BCO2: variants seen among roughly 807,000 people sequenced by gnomAD.
BCO2 encodes the protein carotenoid-cleaving dioxygenase, mitochondrial.
In BCO2, 56 loss-of-function variants were observed where a neutral mutation model predicts 65.8. The ratio of observed to expected loss-of-function variants is 0.85; its 90% confidence interval spans 0.69 to 1.06. The LOEUF (loss-of-function observed/expected upper bound fraction) is 1.06, where lower values mean the gene tolerates loss of function less well. Among genes scored for constraint, BCO2 ranks in the 50% least tolerant of loss-of-function variants. BCO2 has a pLI of 0.00. For missense variants in BCO2, 675 were observed against 698.5 expected, an observed-to-expected ratio of 0.97 and a Z score of 0.38; for synonymous variants, 233 against 242.3, an observed-to-expected ratio of 0.96 and a Z score of 0.36.
chr11:112,184,159 CA>C (rs1649663883), intron 2 of BCO2, among the ~76,000 whole-genome samples: 1 of 151,988 alleles, frequency 6.6e-6, no homozygotes, highest in African/African-American at 2.4e-5. Flanking sequence ...AGAGCTACTG[CA>C]ATCAAAGCTT....
intron 5 of BCO2, among the ~76,000 whole-genome samples, chr11:112,199,023 T>C (rs749710715): frequency 1.3e-5 from 2 of 152,112 alleles, no homozygotes; most frequent in Non-Finnish European, 2.9e-5. Context: ...GTTTGTTACA[T>C]AGGTATACAC....
At chr11:112,176,028 ATTGT>A (rs555914543) in intron 1 of BCO2, 55 of 200,128 alleles carry the variant, frequency 2.7e-4, no homozygotes, top group African/African-American at 1.0e-3. Context: ...TTCTAATGTA[ATTGT>A]TTGGTTTCTC....
chr11:112,199,949 T>C (rs1439697097), intron 6 of BCO2, 122 bp downstream of exon 6: 3 of 1,244,830 alleles, frequency 2.4e-6, no homozygotes, highest in Non-Finnish European at 3.3e-6. Flanking sequence ...GAGACCAAGG[T>C]TGCATTTTGA....
chr11:112,213,973 G>T (rs1383368779), intron 9 of BCO2, 112 bp downstream of exon 9: 1 of 928,976 alleles, frequency 1.1e-6, no homozygotes. Flanking sequence ...ACATTCATCC[G>T]AGCAGGTTAA....
At chr11:112,176,035 G>T in intron 1 of BCO2, 1 of 193,358 alleles carries the variant, frequency 5.2e-6, no homozygotes, top group Non-Finnish European at 1.1e-5. Context: ...GTAATTGTTT[G>T]GTTTCTCTAT....
intron 5 of BCO2, among the ~76,000 whole-genome samples, chr11:112,195,735 C>T (rs531129935): frequency 9.0e-4 from 137 of 152,250 alleles, no homozygotes; most frequent in Non-Finnish European, 1.0e-3. Flanking sequence ...CGAGCCACTG[C>T]GCCTGGTCTG....
Position 112,200,727 on chromosome 11 carries a change from C to T in BCO2, c.980C>T (p.Pro327Leu), listed in dbSNP as rs79220685. 1.2e-6 allele frequency: 2 copies of T among 1,613,876 alleles called. No homozygotes were observed. The highest frequency in any genetic ancestry group is 1.3e-5 in the African/African-American group (1 of 74,996). ...KAFSDGISWE[P>L]QCNTRFHVVE... ...TTTTCAGATGGGATAAGCTGGGAACCCCAGTGTAATACGCGGTTTCATGTG... is the reference window on the plus strand; with the variant it reads ...TTTTCAGATGGGATAAGCTGGGAACTCCAGTGTAATACGCGGTTTCATGTG... The change falls in exon 7 of 12, where the codon CCC becomes CTC. Residue 327 changes from proline (P) to leucine (L), a missense_variant. Physicochemically the swap from Pro to Leu is moderately conservative, Grantham distance 98 (BLOSUM62 -3). Coordinates refer to ENST00000357685, the MANE Select transcript of BCO2 (RefSeq NM_031938.7).
chr11:112,191,029 C>A (rs1319680647), intron 2 of BCO2, among the ~76,000 whole-genome samples: 1 of 150,538 alleles, frequency 6.6e-6, no homozygotes, highest in Non-Finnish European at 1.5e-5. Context: ...GTGCTACAAG[C>A]AGTAATACTA....
chr11:112,215,503 A>T (rs542960342), intron 10 of BCO2: 1 of 155,990 alleles, frequency 6.4e-6, no homozygotes. Context: ...AAGGTCAGGA[A>T]ATCAAGACCA....
intron 7 of BCO2, 39 bp downstream of exon 7, chr11:112,200,812 G>C (rs769109425): frequency 6.3e-7 from 1 of 1,592,088 alleles, no homozygotes; most frequent in South Asian, 1.2e-5. Flanking sequence ...AAAATTGTTG[G>C]AAACAAAGGC....
chr11:112,218,457 G>A lies in BCO2; in HGVS notation c.*583G>A. 1 of 242,428 alleles carries A rather than the reference G, an allele frequency of 4.1e-6. No homozygotes were observed. The highest frequency in any genetic ancestry group is 8.7e-6 in the Non-Finnish European group (1 of 115,066). The allele number at this position is 242,428 out of a possible 1,614,324, so 15.0% of individuals were successfully genotyped here. A position where few individuals can be genotyped will look rare whatever the true frequency, so the allele number is the denominator to read the frequency against. Reference sequence around the variant, plus strand: ...GTGAAGCTGCCAAAGCGTTAGACAAGCACCAAGCCCACTTTTGTCTGCCTG... The same window carrying A: ...GTGAAGCTGCCAAAGCGTTAGACAAACACCAAGCCCACTTTTGTCTGCCTG... On this transcript the variant is annotated 3_prime_UTR_variant, in exon 12 of 12. Transcript: ENST00000357685.
At chr11:112,188,919 A>G (rs1003578356) in intron 2 of BCO2, among the ~76,000 whole-genome samples, 3 of 152,194 alleles carry the variant, frequency 2.0e-5, no homozygotes, top group Non-Finnish European at 2.9e-5. Flanking sequence ...GGATCTCTTG[A>G]GACACAATCT....
At position 112,214,728 on chromosome 11, in the gene BCO2, C is replaced by G. The variant is rs775720841; in HGVS notation, c.1333-34C>G. 53 of 1,573,386 alleles carry G rather than the reference C, an allele frequency of 3.4e-5. No individual in the cohort carries two copies. In the Admixed American group the frequency reaches 8.9e-4, roughly 26 times the overall value. ...ACATAAGAGGAAAATAAGAATTAAG[C>G]AACCACTACAAATCCTTTTGAAATC... On this transcript the variant is annotated intron_variant, in intron 9 of 11. Transcript: ENST00000357685.
chr11:112,202,053 T>C lies in BCO2; in HGVS notation c.1057T>C (p.Phe353Leu). 1 of 1,609,220 alleles carries C rather than the reference T, an allele frequency of 6.2e-7. No homozygotes were observed. The highest frequency in any genetic ancestry group is 8.5e-7 in the Non-Finnish European group (1 of 1,177,970). The change falls in exon 8 of 12, where the codon TTT becomes CTT. Residue 353 changes from phenylalanine (F) to leucine (L), a missense_variant. Physicochemically the swap from Phe to Leu is conservative, Grantham distance 22. Coordinates refer to ENST00000357685, the MANE Select transcript of BCO2 (RefSeq NM_031938.7). Reference protein sequence around the residue: ...LLPGRYYSKPFVTFHQINAFE... With the variant: ...LLPGRYYSKPLVTFHQINAFE... Reference sequence around the variant, plus strand: ...TCCAGGGAGATACTACAGCAAACCTTTTGTTACATTTCATCAAATCAATGC... The same window carrying C: ...TCCAGGGAGATACTACAGCAAACCTCTTGTTACATTTCATCAAATCAATGC...
Position 112,179,371 on chromosome 11 carries a change from T to C in BCO2, c.182T>C (p.Val61Ala). Residue 61 changes from valine to alanine, a missense_variant, in exon 2 of 12, where the codon GTG (valine) becomes GCG (alanine). Physicochemically the swap from Val to Ala is moderately conservative, Grantham distance 64. Coordinates refer to ENST00000357685, the MANE Select transcript of BCO2 (RefSeq NM_031938.7). ...TGTGTTGCACCGCTGCTGACCACAG[T>C]GGAAGAGGCTCCACGGGGCATCTCT... Reference protein sequence around the residue: ...LPCVAPLLTTVEEAPRGISAR... With the variant: ...LPCVAPLLTTAEEAPRGISAR... 1 of 1,614,208 alleles carries C rather than the reference T, an allele frequency of 6.2e-7. No homozygotes were observed. Among genetic ancestry groups the C allele is most frequent in the East Asian group, 2.2e-5 (1 of 44,886 alleles).
At chr11:112,195,944 C>T (rs375758934) in intron 5 of BCO2, among the ~76,000 whole-genome samples, 3 of 152,280 alleles carry the variant, frequency 2.0e-5, no homozygotes, top group East Asian at 3.9e-4. Context: ...GTCCCTGGAT[C>T]TCACCGATTA....
intron 10 of BCO2, 49 bp from the exon 11 acceptor site, chr11:112,216,171 C>T: frequency 2.4e-6 from 3 of 1,269,960 alleles, no homozygotes; most frequent in Non-Finnish European, 3.5e-6. Context: ...ATAGAAAGCT[C>T]CCTACTTACT....
chr11:112,195,456 A>T (rs893883041), intron 5 of BCO2, among the ~76,000 whole-genome samples: 7 of 144,870 alleles, frequency 4.8e-5, no homozygotes, highest in Non-Finnish European at 1.1e-4. Flanking sequence ...TTTATTTTTT[A>T]TTTTTTTTTA....
At chr11:112,213,699 T>C in intron 8 of BCO2, 25 bp from the exon 9 acceptor site, 1 of 1,608,944 alleles carries the variant, frequency 6.2e-7, no homozygotes, top group Non-Finnish European at 8.5e-7. Context: ...ATGACAATTT[T>C]CATCTCTTTC....
Sources: gnomAD v4.1 joint callset for allele counts (sites outside exome capture counted in the v4.1 genomes callset) on GRCh38, gnomAD v4.1.1 for gene constraint, MANE v1.5 for transcripts, NCBI Gene and HGNC (gene_info 2026-07-23, HGNC 2026-07-21) for gene names.